The following GCAT variants were observed in gnomAD, a reference collection of about 807,000 sequenced individuals.
GCAT encodes glycine C-acetyltransferase, also known as 2-amino-3-ketobutyrate coenzyme A ligase, mitochondrial.
Under a neutral mutation model 39.7 loss-of-function variants are expected in GCAT, and 26 were observed. The ratio of observed to expected loss-of-function variants is 0.65; its 90% CI spans 0.48 to 0.91. The LOEUF (loss-of-function observed/expected upper bound fraction) is 0.91. GCAT is among the 40% of genes least tolerant of loss of function. The pLI, the probability that GCAT is intolerant of heterozygous loss-of-function variation, is 0.00. For synonymous variants in GCAT, 218 were observed against 237.2 expected (o/e 0.92, Z 0.74); for missense variants, 550 against 576.2 (o/e 0.95, Z 0.47).
At position 37,816,565 on chromosome 22, in the gene GCAT, AG is replaced by A. The variant is rs757720955; in HGVS notation, c.1109del. The A allele has an allele frequency of 6.2e-7, 1 of 1,614,070 alleles. No homozygotes were observed. The highest frequency in any genetic ancestry group is 8.5e-7 in the Non-Finnish European group (1 of 1,179,986). ...GCACGCCCTTGCTTTCTACCCTCCC[AG>A]GCATCTTTGTCATCGGGTTCAGCTA... On this transcript the variant is annotated splice_acceptor_variant, in intron 8 of 8. Transcript: ENST00000248924. LOFTEE classifies it high-confidence loss of function.
At position 37,808,044 on chromosome 22, in the gene GCAT, A is replaced by T; in HGVS notation, c.77A>T (p.Gln26Leu). The change falls in exon 1 of 9, where the codon CAG becomes CTG. Residue 26 changes from glutamine (Q) to leucine (L), a missense_variant. Around this residue, in one of 3 missense-constraint regions of GCAT, gnomAD observed 154 missense variants for 141.9 expected, o/e 1.08. Transcript: ENST00000248924. ...RGRRAQSALA[Q>L]LRGILEGELE... ...CGCCGCGCACAGTCAGCGCTGGCCC[A>T]GCTGCGTGGCATTCTGGAGGGGGAG... The T allele has an allele frequency of 6.4e-7, 1 of 1,556,214 alleles. No individual in the cohort carries two copies. Among genetic ancestry groups the T allele is most frequent in the Non-Finnish European group, 8.7e-7 (1 of 1,152,118 alleles).
At chr22:37,808,248 C>G (rs1014218474) in intron 1 of GCAT, 85 bp downstream of exon 1, 129 of 1,110,688 alleles carry the variant, frequency 1.2e-4, no homozygotes, top group Non-Finnish European at 1.5e-4. Context: ...GTGGGCGGCT[C>G]CTACACTCTT....
intron 2 of GCAT, 103 bp from the exon 3 acceptor site, chr22:37,812,784 G>T: frequency 1.3e-6 from 1 of 770,192 alleles, no homozygotes. Flanking sequence ...GAGGCTGCAG[G>T]CTTTCTGGGT....
At chr22:37,813,724 G>A in intron 4 of GCAT, 115 bp downstream of exon 4, 1 of 966,958 alleles carries the variant, frequency 1.0e-6, no homozygotes, top group South Asian at 1.7e-5. Flanking sequence ...GCAGAGATTT[G>A]TCCAAGATGT....
At chr22:37,812,733 A>G (rs1020068068) in intron 2 of GCAT, among the ~76,000 whole-genome samples, 154 bp from the exon 3 acceptor site, 2 of 152,052 alleles carry the variant, frequency 1.3e-5, no homozygotes, top group African/African-American at 4.8e-5. Flanking sequence ...GATTCCTGGC[A>G]GCTCTGGGAT....
chr22:37,815,333 G>C, intron 5 of GCAT, 53 bp downstream of exon 5: 1 of 1,600,614 alleles, frequency 6.2e-7, no homozygotes, highest in Non-Finnish European at 8.5e-7. Context: ...GGGTGGCTGG[G>C]AAACGAGGAG....
At position 37,808,134 on chromosome 22, in the gene GCAT, C is replaced by G; in HGVS notation, c.167C>G (p.Pro56Arg). 1.3e-6 allele frequency: 2 copies of G among 1,534,518 alleles called. No individual in the cohort carries two copies. Among genetic ancestry groups the G allele is most frequent in the African/African-American group, 1.4e-5 (1 of 70,134 alleles). The change falls in exon 1 of 9, where the codon CCG (proline) becomes CGG (arginine). Residue 56 changes from proline to arginine, a missense_variant. This residue lies in a region of GCAT where 154 missense variants were observed against 141.9 expected (regional missense o/e 1.08). Transcript: ENST00000248924. The stretch of plus-strand genomic sequence containing the variant: ...CGGGTCATCACGTCCCGTCAGGGGC[C>G]GCACATCCGCGTGGACGGCGTCTCC... ...SERVITSRQG[P>R]HIRVDGVSGG...
At chr22:37,812,082 A>G (rs528167485) in intron 2 of GCAT, among the ~76,000 whole-genome samples, 1 of 151,806 alleles carries the variant, frequency 6.6e-6, no homozygotes, top group East Asian at 2.0e-4. Flanking sequence ...TGTAATCCCA[A>G]TACTTTTGGA....
In GCAT at chr22:37,808,182, A is replaced by G; in HGVS notation, c.196+19A>G. 1 of 1,462,706 alleles carries G rather than the reference A, an allele frequency of 6.8e-7. No homozygotes were observed. The allele number at this position is 1,462,706 out of a possible 1,614,324, so 90.6% of individuals were successfully genotyped here. A position where few individuals can be genotyped will look rare whatever the true frequency, so the allele number is the denominator to read the frequency against. On this transcript the variant is annotated intron_variant, in intron 1 of 8. Coordinates refer to ENST00000248924, the MANE Select transcript of GCAT (RefSeq NM_014291.4). ...TCCGGAGGTAACGCTCCGTTCCGGGAGTCGTTCCAAGACCTTTCCCGAGCT... is the reference window on the plus strand; with the variant it reads ...TCCGGAGGTAACGCTCCGTTCCGGGGGTCGTTCCAAGACCTTTCCCGAGCT...
At chr22:37,816,119 G>T in intron 7 of GCAT, 81 bp from the exon 8 acceptor site, 1 of 1,521,430 alleles carries the variant, frequency 6.6e-7, no homozygotes, top group South Asian at 1.2e-5. Context: ...CTTGGGCATA[G>T]ACCTCGGGCC....
Position 37,813,008 on chromosome 22 carries a change from C to T in GCAT, c.429+20C>T, listed in dbSNP as rs778979320. The T allele has an allele frequency of 1.4e-5, 21 of 1,546,888 alleles. No individual in the cohort carries two copies. Among genetic ancestry groups the T allele is most frequent in the African/African-American group, 2.7e-5 (2 of 73,554 alleles). The stretch of plus-strand genomic sequence containing the variant: ...TTTGAGGTGTGTGGAAGCTGTCCTG[C>T]GGGTGAGGGTTGGTGGGGCCTGTTA... On this transcript the variant is annotated intron_variant, in intron 3 of 8. Transcript: ENST00000248924.
intron 2 of GCAT, 129 bp downstream of exon 2, chr22:37,810,286 A>T (rs1044029590): frequency 9.7e-6 from 7 of 717,954 alleles, no homozygotes; most frequent in Non-Finnish European, 1.7e-5. Context: ...AGAGCTGTGC[A>T]GCAGAAAGGC....
In GCAT at chr22:37,816,567, G is replaced by A. The variant is rs756404913; in HGVS notation, c.1109G>A (p.Gly370Asp). 1.2e-6 allele frequency: 2 copies of A among 1,614,164 alleles called. No individual in the cohort carries two copies. The highest frequency in any genetic ancestry group is 1.1e-5 in the South Asian group (1 of 91,090). The change falls in exon 9 of 9, where the codon GGC becomes GAC. Residue 370 changes from glycine to aspartate, a missense_variant and splice_region_variant. Physicochemically the swap from Gly to Asp is moderately conservative, Grantham distance 94. This residue lies in a region of GCAT where 378 missense variants were observed against 390.4 expected (regional missense o/e 0.97). Coordinates refer to ENST00000248924, the MANE Select transcript of GCAT (RefSeq NM_014291.4). ...SRMADDMLKR[G>D]IFVIGFSYPV... ...ACGCCCTTGCTTTCTACCCTCCCAG[G>A]CATCTTTGTCATCGGGTTCAGCTAC...
chr22:37,812,914 A>G lies in GCAT; in HGVS notation c.355A>G (p.Ile119Val). The G allele has an allele frequency of 6.2e-7, 1 of 1,613,478 alleles. No individual in the cohort carries two copies. Among genetic ancestry groups the G allele is most frequent in the South Asian group, 1.1e-5 (1 of 91,064 alleles). Residue 119 changes from isoleucine (I) to valine (V), a missense_variant, in exon 3 of 9, where the codon ATA (isoleucine) becomes GTA (valine). Ile to Val is a conservative substitution (Grantham distance 29). This residue lies in a region of GCAT where 18 missense variants were observed against 43.8 expected (regional missense o/e 0.41). Coordinates refer to ENST00000248924, the MANE Select transcript of GCAT (RefSeq NM_014291.4). ...CATCCACAAGAATCTAGAAGCAAAA[A>G]TAGCCCGCTTCCACCAGCGGGAGGA... is the stretch of plus-strand genomic sequence containing the variant. ...QSIHKNLEAK[I>V]ARFHQREDAI...
In GCAT at chr22:37,816,800, G is replaced by T. The variant is rs1922256413; in HGVS notation, c.*82G>T. 6.9e-7 allele frequency: 1 copy of T among 1,447,808 alleles called. No homozygotes were observed. Among genetic ancestry groups the T allele is most frequent in the Non-Finnish European group, 9.6e-7 (1 of 1,045,772 alleles). 89.7% of individuals were successfully genotyped at this position (1,447,808 alleles called of 1,614,324 possible). ...GGTTTTCGATCAGCCCAGACCAGAGGCTCTGAGCCCTGAACCAAAGTCCCA... is the reference window on the plus strand; with the variant it reads ...GGTTTTCGATCAGCCCAGACCAGAGTCTCTGAGCCCTGAACCAAAGTCCCA... On this transcript the variant is annotated 3_prime_UTR_variant, in exon 9 of 9. Transcript: ENST00000248924.
At chr22:37,808,239 T>G (rs2145910123) in intron 1 of GCAT, 76 bp downstream of exon 1, 12 of 1,182,594 alleles carry the variant, frequency 1.0e-5, no homozygotes, top group Non-Finnish European at 1.4e-5. Context: ...GAGGTGGGGG[T>G]GGGCGGCTCC....
intron 2 of GCAT, among the ~76,000 whole-genome samples, chr22:37,812,319 G>A (rs1472850512): frequency 6.6e-6 from 1 of 152,106 alleles, no homozygotes; most frequent in African/African-American, 2.4e-5. Flanking sequence ...TCCAGCCTGA[G>A]TGACAGAGAA....
chr22:37,815,529 C>T (rs1449585777), intron 6 of GCAT, 29 bp downstream of exon 6: 3 of 1,579,814 alleles, frequency 1.9e-6, no homozygotes, highest in African/African-American at 1.3e-5. Flanking sequence ...CCCTGGGGTC[C>T]CCTTGTCCTT....
chr22:37,816,495 A>G (rs1922213167), intron 8 of GCAT, 72 bp from the exon 9 acceptor site: 1 of 1,574,516 alleles, frequency 6.4e-7, no homozygotes, highest in South Asian at 1.1e-5. Flanking sequence ...GACCTGGGGC[A>G]GTTCCCTTGC....
Sources: allele counts gnomAD v4.1 joint callset (sites outside exome capture counted in the v4.1 genomes callset), GRCh38; gene constraint gnomAD v4.1.1; regional missense constraint gnomAD v4.1.1; transcripts MANE v1.5; gene names NCBI Gene and HGNC (gene_info 2026-07-23, HGNC 2026-07-21).